Variants in TEK observed in about 807,000 individuals in gnomAD.
TEK encodes the protein TEK receptor tyrosine kinase.
A neutral mutation model predicts 131.8 loss-of-function variants in TEK; 43 were observed. The ratio of observed to expected loss-of-function variants is 0.33; its 90% CI spans 0.26 to 0.42. TEK has a LOEUF of 0.42. Ranked by LOEUF, TEK falls within the 10% of genes least tolerant of loss-of-function variation. The pLI is 1.00. For missense variants in TEK, 1,162 were observed against 1,384.4 expected, an observed-to-expected ratio of 0.84 and a Z score of 2.55; for synonymous variants, 580 against 491.6, an observed-to-expected ratio of 1.18 and a Z score of -2.38.
intron 5 of TEK, 47 bp downstream of exon 5, chr9:27,172,794 C>A (rs201226160): frequency 6.2e-7 from 1 of 1,609,084 alleles, no homozygotes; most frequent in East Asian, 2.2e-5. Flanking sequence ...AAAAAGCCAT[C>A]GTTGCTGGAT....
chr9:27,202,801 T>C lies in TEK; in HGVS notation c.1910-19T>C, dbSNP rs1825267168. The C allele has an allele frequency of 1.9e-6, 3 of 1,612,320 alleles. No homozygotes were observed. The highest frequency in any genetic ancestry group is 1.1e-5 in the South Asian group (1 of 91,034). On this transcript the variant is annotated intron_variant, in intron 12 of 22. Coordinates refer to ENST00000380036, the MANE Select transcript of TEK (RefSeq NM_000459.5). ...TGGTAGTATATCTTAAGTGAATCTTTTTTCTTTTTAATTTCTAGTTCTTCC... is the reference window on the plus strand; with the variant it reads ...TGGTAGTATATCTTAAGTGAATCTTCTTTCTTTTTAATTTCTAGTTCTTCC...
intron 1 of TEK, among the ~76,000 whole-genome samples, chr9:27,110,825 A>G (rs1821314101): frequency 6.6e-6 from 1 of 152,232 alleles, no homozygotes; most frequent in Non-Finnish European, 1.5e-5. Flanking sequence ...AAAAGATTTT[A>G]GGTGGCTTCA....
Position 27,158,152 on chromosome 9 carries a change from C to G in TEK, c.364+10C>G, listed in dbSNP as rs1437763513. On this transcript the variant is annotated intron_variant, in intron 2 of 22. Transcript: ENST00000380036. ...AAGATGCGTCAACAAGGTAACATGCCCCTAAGTTTTGGGCAGGTGAGGCCC... is the reference window on the plus strand; with the variant it reads ...AAGATGCGTCAACAAGGTAACATGCGCCTAAGTTTTGGGCAGGTGAGGCCC... 1 of 1,613,824 alleles carries G rather than the reference C, an allele frequency of 6.2e-7. No individual in the cohort carries two copies. The highest frequency in any genetic ancestry group is 8.5e-7 in the Non-Finnish European group (1 of 1,179,996).
chr9:27,132,182 G>C (rs1038695567), intron 1 of TEK, among the ~76,000 whole-genome samples: 11 of 150,766 alleles, frequency 7.3e-5, no homozygotes, highest in Non-Finnish European at 1.5e-4. Context: ...CCATCTCCCA[G>C]GTTCAAGTGA....
chr9:27,185,212 C>A (rs1824551290), intron 8 of TEK, among the ~76,000 whole-genome samples: 1 of 152,136 alleles, frequency 6.6e-6, no homozygotes, highest in South Asian at 2.1e-4. Context: ...TAAAAGAAAT[C>A]ATGCTTCAGG....
intron 2 of TEK, among the ~76,000 whole-genome samples, chr9:27,166,466 C>T (rs541521428): frequency 6.6e-6 from 1 of 152,022 alleles, no homozygotes; most frequent in African/African-American, 2.4e-5. Flanking sequence ...CTTTGAAATT[C>T]TGTTGTTAGA....
At chr9:27,132,465 C>A (rs1822262612) in intron 1 of TEK, among the ~76,000 whole-genome samples, 1 of 152,106 alleles carries the variant, frequency 6.6e-6, no homozygotes, top group South Asian at 2.1e-4. Context: ...GACTATCATA[C>A]ATGAATTAAT....
rs78879320 is a variant in TEK at position 27,184,493 on chromosome 9, A to C, written c.1182+883A>C. Among the ~76,000 whole-genome samples the C allele has an allele frequency of 7.7e-3, 1,168 of 152,300 alleles. 11 individuals are homozygous for C. The highest frequency in any genetic ancestry group is 0.026 in the African/African-American group (1,070 of 41,584). On this transcript the variant is annotated intron_variant, in intron 8 of 22. Coordinates refer to ENST00000380036, the MANE Select transcript of TEK (RefSeq NM_000459.5). ...ACCTTCTGAGGGAGGAATATGTAGA[A>C]TGTACCATTACTAGGGTCCACGTTT...
At chr9:27,142,228 G>T (rs568788889) in intron 1 of TEK, among the ~76,000 whole-genome samples, 2 of 152,320 alleles carry the variant, frequency 1.3e-5, no homozygotes, top group East Asian at 3.9e-4. Flanking sequence ...ACAATAACTT[G>T]GAGTTTTTAA....
At position 27,168,972 on chromosome 9, in the gene TEK, C is replaced by A. The variant is rs117375563; in HGVS notation, c.475+367C>A. Among the ~76,000 whole-genome samples, 382 of 152,300 alleles carry A rather than the reference C, an allele frequency of 2.5e-3. 2 individuals are homozygous for A. The highest frequency in any genetic ancestry group is 3.4e-3 in the Middle Eastern group (1 of 294). On this transcript the variant is annotated intron_variant, in intron 3 of 22. Coordinates refer to ENST00000380036, the MANE Select transcript of TEK (RefSeq NM_000459.5). ...CATGGGAAGCCAATTGTTAGCAGTT[C>A]TGGCAGTCCAACTGTGTAATCCAAA...
At chr9:27,123,833 A>G (rs2131046697) in intron 1 of TEK, among the ~76,000 whole-genome samples, 2 of 152,322 alleles carry the variant, frequency 1.3e-5, no homozygotes, top group East Asian at 3.9e-4. Flanking sequence ...CAAAAGTGCA[A>G]TGGCATGATT....
chr9:27,132,520 G>A (rs1822264385), intron 1 of TEK, among the ~76,000 whole-genome samples: 1 of 152,146 alleles, frequency 6.6e-6, no homozygotes. Context: ...TGTCTTTCCT[G>A]GATATTTTTA....
Position 27,109,588 on chromosome 9 carries a change from A to G in TEK, c.-3A>G, listed in dbSNP as rs777509707. 6.2e-7 allele frequency: 1 copy of G among 1,614,174 alleles called. No individual in the cohort carries two copies. The highest frequency in any genetic ancestry group is 1.1e-5 in the South Asian group (1 of 91,078). On this transcript the variant is annotated 5_prime_UTR_variant, in exon 1 of 23. Transcript: ENST00000380036. ...GAAACTGGATGGAGAGATTTGGGGA[A>G]GCATGGACTCTTTAGCCAGCTTAGT...
intron 1 of TEK, among the ~76,000 whole-genome samples, chr9:27,112,700 T>C (rs1446590760): frequency 1.3e-5 from 2 of 152,342 alleles, no homozygotes; most frequent in South Asian, 2.1e-4. Context: ...TATCACCTGC[T>C]TATTCTCTGT....
In TEK at chr9:27,173,431, T is replaced by C. The variant is rs41314569; in HGVS notation, c.901+69T>C. ...TATATAAAGGAGATCCAGTTTGCTG[T>C]CAATCACAACATCGGATATACCTGG... is the stretch of plus-strand genomic sequence containing the variant. On this transcript the variant is annotated intron_variant, in intron 6 of 22. Coordinates refer to ENST00000380036, the MANE Select transcript of TEK (RefSeq NM_000459.5). 88,197 of 1,603,374 alleles carry C rather than the reference T, an allele frequency of 0.055. 2,739 individuals carry two copies. Among genetic ancestry groups the C allele is most frequent in the East Asian group, 0.12 (5,560 of 44,732 alleles).
intron 1 of TEK, among the ~76,000 whole-genome samples, chr9:27,156,476 A>C (rs1354205140): frequency 6.6e-6 from 1 of 151,938 alleles, no homozygotes; most frequent in Non-Finnish European, 1.5e-5. Context: ...AGTGGCACTT[A>C]AGCTGAGACC....
chr9:27,194,514 A>C (rs978489649), intron 11 of TEK, among the ~76,000 whole-genome samples: 1 of 152,224 alleles, frequency 6.6e-6, no homozygotes, highest in African/African-American at 2.4e-5. Flanking sequence ...CCATGACCCA[A>C]GGGATCCCTG....
At chr9:27,185,730 G>A (rs1482342939) in intron 9 of TEK, 101 bp downstream of exon 9, 22 of 1,486,828 alleles carry the variant, frequency 1.5e-5, no homozygotes, top group Non-Finnish European at 1.9e-5. Flanking sequence ...AAATACCTTT[G>A]GGGTAATTTC....
At chr9:27,127,546 G>T (rs527781668) in intron 1 of TEK, among the ~76,000 whole-genome samples, 2 of 152,276 alleles carry the variant, frequency 1.3e-5, no homozygotes, top group African/African-American at 4.8e-5. Flanking sequence ...GATCCTTGAG[G>T]AATTGCCATA....
Sources: gnomAD v4.1 joint callset for allele counts (sites outside exome capture counted in the v4.1 genomes callset) on GRCh38, gnomAD v4.1.1 for gene constraint, MANE v1.5 for transcripts, NCBI Gene and HGNC (gene_info 2026-07-23, HGNC 2026-07-21) for gene names.